The following TSPEAR variants were observed in gnomAD, a reference collection of about 807,000 sequenced individuals.
The protein encoded by TSPEAR is thrombospondin-type laminin G domain and EAR repeat-containing protein.
Under a neutral mutation model 71.6 loss-of-function variants are expected in TSPEAR, and 69 were observed. That is an observed-to-expected ratio of 0.96 (90% CI 0.79 to 1.18). The LOEUF (loss-of-function observed/expected upper bound fraction) is 1.18. Ranked by LOEUF, TSPEAR falls within the 50% of genes most tolerant of loss-of-function variation. TSPEAR has a pLI of 0.00. For missense variants in TSPEAR, 971 were observed against 894.9 expected (o/e 1.09, Z -1.09); for synonymous variants, 402 against 387.2 (o/e 1.04, Z -0.45).
intron 11 of TSPEAR, among the ~76,000 whole-genome samples, chr21:44,504,005 C>T (rs2052121102): frequency 2.1e-5 from 3 of 146,100 alleles, no homozygotes; most frequent in African/African-American, 5.2e-5. Context: ...TGGGAGGAAG[C>T]CGGCCTCGGT....
chr21:44,634,449 A>G (rs1385196708), intron 1 of TSPEAR, among the ~76,000 whole-genome samples: 3 of 152,254 alleles, frequency 2.0e-5, no homozygotes, highest in Non-Finnish European at 4.4e-5. Flanking sequence ...ATATGACACC[A>G]GAAGCATAAG....
chr21:44,624,706 C>T (rs1407297387), intron 1 of TSPEAR, among the ~76,000 whole-genome samples: 2 of 152,212 alleles, frequency 1.3e-5, no homozygotes, highest in African/African-American at 4.8e-5. Context: ...CAGAATCCCT[C>T]CTCCTTGTCA....
chr21:44,500,711 T>C (rs947415200), intron 11 of TSPEAR, among the ~76,000 whole-genome samples: 1 of 152,246 alleles, frequency 6.6e-6, no homozygotes, highest in Non-Finnish European at 1.5e-5. Context: ...GGGTTTTGCT[T>C]TGAGGACAAA....
At chr21:44,508,484 C>A (rs1423008691) in intron 10 of TSPEAR, 29 of 1,025,924 alleles carry the variant, frequency 2.8e-5, no homozygotes, top group Non-Finnish European at 3.4e-5. Flanking sequence ...GACCCATGGC[C>A]CCTGGCTCTG....
rs587651331 is a variant in TSPEAR at position 44,577,276 on chromosome 21, G to C, written c.83-9271C>G. Among the ~76,000 whole-genome samples, 189 of 152,256 alleles carry C rather than the reference G, an allele frequency of 1.2e-3. 4 individuals carry two copies. The highest frequency in any genetic ancestry group is 0.012 in the Admixed American group (187 of 15,292). On this transcript the variant is annotated intron_variant, in intron 1 of 11. Transcript: ENST00000323084. Reference sequence around the variant, plus strand: ...TAACTAGAAATAATAAAATAATCAAGAATTTAAAAACTCCACTGTGTTTGT... The same window carrying C: ...TAACTAGAAATAATAAAATAATCAACAATTTAAAAACTCCACTGTGTTTGT...
intron 2 of TSPEAR, among the ~76,000 whole-genome samples, chr21:44,554,144 G>A (rs55885813): frequency 0.024 from 3,699 of 152,302 alleles, 78 homozygotes; most frequent in South Asian, 0.049. Flanking sequence ...GGGCCTTTGG[G>A]AGGTAATTAG....
intron 9 of TSPEAR, chr21:44,516,060 T>G (rs587740939): frequency 1.3e-5 from 2 of 152,340 alleles, no homozygotes; most frequent in South Asian, 2.1e-4. Context: ...TGTGGCCAGG[T>G]CCCTGCTCCT....
intron 1 of TSPEAR, among the ~76,000 whole-genome samples, chr21:44,578,288 G>C (rs587704866): frequency 6.6e-6 from 1 of 152,272 alleles, no homozygotes; most frequent in South Asian, 2.1e-4. Context: ...CAACAGCTTA[G>C]ATGAAATAGG....
intron 1 of TSPEAR, among the ~76,000 whole-genome samples, chr21:44,694,176 T>A (rs781815122): frequency 2.6e-5 from 4 of 152,164 alleles, no homozygotes; most frequent in Admixed American, 6.5e-5. Context: ...AAACTAGATT[T>A]CCACATGAAA....
intron 1 of TSPEAR, among the ~76,000 whole-genome samples, chr21:44,665,827 C>T (rs587603884): frequency 5.3e-5 from 8 of 152,274 alleles, no homozygotes; most frequent in South Asian, 2.1e-4. Flanking sequence ...TGAGATCCTC[C>T]GCGACCTGGG....
In TSPEAR at chr21:44,506,778, C is replaced by A. The variant is rs1405590529; in HGVS notation, c.1755-1897G>T. 2 of 152,184 alleles carry A rather than the reference C, an allele frequency of 1.3e-5. No homozygotes were observed. Among genetic ancestry groups the A allele is most frequent in the Non-Finnish European group, 2.9e-5 (2 of 68,046 alleles). The allele number at this position is 152,184 out of a possible 1,614,324, so 9.4% of individuals were successfully genotyped here. A position where few individuals can be genotyped will look rare whatever the true frequency, so the allele number is the denominator to read the frequency against. Reference sequence around the variant, plus strand: ...CTCAGTCGGATCTGAGCTCTGAAACCCAGACCCGAGGAAGACAAGCGGCCA... The same window carrying A: ...CTCAGTCGGATCTGAGCTCTGAAACACAGACCCGAGGAAGACAAGCGGCCA... On this transcript the variant is annotated intron_variant, in intron 10 of 11. Transcript: ENST00000323084. The surrounding 1 kb of genome is among the most constrained non-coding windows in gnomAD (Gnocchi z 4.2).
chr21:44,600,582 TCACC>T, intron 1 of TSPEAR: 1 of 1,589,284 alleles, frequency 6.3e-7, no homozygotes. Flanking sequence ...ATTCACTCAC[TCACC>T]CACTCACTCC....
intron 1 of TSPEAR, among the ~76,000 whole-genome samples, chr21:44,681,399 G>C (rs1473265442): frequency 6.6e-6 from 1 of 152,218 alleles, no homozygotes; most frequent in African/African-American, 2.4e-5. Context: ...TGGGCCCCAG[G>C]AGCCCTGGGA....
chr21:44,575,403 G>T, intron 1 of TSPEAR: 1 of 239,912 alleles, frequency 4.2e-6, no homozygotes. Flanking sequence ...GCCTTGGCTG[G>T]AGCTCACGGC....
chr21:44,656,084 A>T (rs1260693900), intron 1 of TSPEAR, among the ~76,000 whole-genome samples: 3 of 152,230 alleles, frequency 2.0e-5, no homozygotes, highest in Non-Finnish European at 4.4e-5. Flanking sequence ...CCACAAGTTC[A>T]CAGGCAACTC....
At chr21:44,594,258 A>G (rs587635984) in intron 1 of TSPEAR, among the ~76,000 whole-genome samples, 3 of 152,356 alleles carry the variant, frequency 2.0e-5, no homozygotes, top group South Asian at 4.1e-4. Flanking sequence ...ATAAAAGGAA[A>G]GAAACTTTTG....
rs1980960927 is a variant in TSPEAR at position 44,601,927 on chromosome 21, A to G, written c.83-33922T>C. 8 of 807,234 alleles carry G rather than the reference A, an allele frequency of 9.9e-6. No homozygotes were observed. The South Asian group carries it at 1.3e-4, about 14-fold the overall frequency. 50.0% of individuals were successfully genotyped at this position (807,234 alleles called of 1,614,324 possible). On this transcript the variant is annotated intron_variant, in intron 1 of 11. Coordinates refer to ENST00000323084, the MANE Select transcript of TSPEAR (RefSeq NM_144991.3). Reference sequence around the variant, plus strand: ...TTCTCCAAGTCTTGACTTTCCCCCAATTACCCAGCCCTGCTTCCCCAGCAA... The same window carrying G: ...TTCTCCAAGTCTTGACTTTCCCCCAGTTACCCAGCCCTGCTTCCCCAGCAA...
chr21:44,587,102 G>A (rs1248330443), intron 1 of TSPEAR, among the ~76,000 whole-genome samples: 1 of 152,126 alleles, frequency 6.6e-6, no homozygotes, highest in African/African-American at 2.4e-5. Context: ...TCAAACTGTC[G>A]CTGTTTGCTG....
At chr21:44,550,725 C>T (rs782483439) in intron 2 of TSPEAR, 10 of 1,613,876 alleles carry the variant, frequency 6.2e-6, no homozygotes, top group Non-Finnish European at 1.7e-6. Flanking sequence ...GGAAAAGCTG[C>T]AGGAGGCTGG....
Sources: allele counts gnomAD v4.1 joint callset (sites outside exome capture counted in the v4.1 genomes callset), GRCh38; gene constraint gnomAD v4.1.1; non-coding constraint Gnocchi (gnomAD v3.1); transcripts MANE v1.5; gene names NCBI Gene and HGNC (gene_info 2026-07-23, HGNC 2026-07-21).